Variants in UBR1 observed in about 807,000 individuals in gnomAD.
The protein encoded by UBR1 is E3 ubiquitin-protein ligase UBR1.
Under a neutral mutation model 242.1 loss-of-function variants are expected in UBR1, and 102 were observed. The observed-to-expected ratio is 0.42, with a 90% CI of 0.36 to 0.50. The LOEUF (loss-of-function observed/expected upper bound fraction) is 0.50, where lower values mean the gene tolerates loss of function less well. UBR1 is among the 20% of genes least tolerant of loss of function. The probability of loss-of-function intolerance (pLI) is 0.01; values close to 1 mark genes in which losing one functional copy is unlikely to be tolerated. For synonymous variants in UBR1, 675 were observed against 684.8 expected (o/e 0.99, Z 0.22); for missense variants, 1,772 against 2,101.8 (o/e 0.84, Z 3.07).
At position 43,043,415 on chromosome 15, in the gene UBR1, C is replaced by G. The variant is rs533524024; in HGVS notation, c.1669-20G>C. The G allele has an allele frequency of 6.2e-7, 1 of 1,613,072 alleles. No homozygotes were observed. The highest frequency in any genetic ancestry group is 8.5e-7 in the Non-Finnish European group (1 of 1,179,226). On this transcript the variant is annotated intron_variant, in intron 14 of 46. Coordinates refer to ENST00000290650, the MANE Select transcript of UBR1 (RefSeq NM_174916.3). ...TTCTTCCTAAGAGGAAAATAAGATA[C>G]AAAAAGTTGACAAGTTTTCTACTTT...
chr15:42,968,737 G>T (rs1434106515), intron 40 of UBR1, among the ~76,000 whole-genome samples: 2 of 151,924 alleles, frequency 1.3e-5, no homozygotes, highest in South Asian at 2.1e-4. Flanking sequence ...TGTTCTCATT[G>T]TTCAACTCCT....
In UBR1 at chr15:43,024,974, G is replaced by A. The variant is rs2033160637; in HGVS notation, c.2594C>T (p.Pro865Leu). 6.2e-7 allele frequency: 1 copy of A among 1,614,152 alleles called. No individual in the cohort carries two copies. Among genetic ancestry groups the A allele is most frequent in the Non-Finnish European group, 8.5e-7 (1 of 1,180,032 alleles). ...AGGGCAGAATTCAGGAGGTGGTGGT[G>A]GCGGCAATGCTATAGGAGGTGGGGA... ...KQENKDEALP[P>L]PPPPEFCPAF... is the part of the protein sequence containing the mutation. Residue 865 changes from proline to leucine, a missense_variant, in exon 25 of 47, where the codon CCA becomes CTA. Pro to Leu is a moderately conservative substitution (Grantham distance 98). This residue lies in a region of UBR1 where 965 missense variants were observed against 1,079.7 expected (regional missense o/e 0.89). Coordinates refer to ENST00000290650, the MANE Select transcript of UBR1 (RefSeq NM_174916.3).
rs757320774 is a variant in UBR1 at position 42,976,860 on chromosome 15, G to A, written c.4226C>T (p.Ala1409Val). 5.0e-6 allele frequency: 8 copies of A among 1,613,462 alleles called. No homozygotes were observed. ...SIDLFHVLVG[A>V]VLAFPSLYWD... ...ATACAAGGATGGGAATGCTAACACA[G>A]CACCCACCTATGAGAGAAAAATGGA... The change falls in exon 39 of 47, where the codon GCT (alanine) becomes GTT (valine). Residue 1409 changes from alanine (A) to valine (V), a missense_variant. Around this residue, in one of 3 missense-constraint regions of UBR1, gnomAD observed 965 missense variants for 1,079.7 expected, o/e 0.89. Transcript: ENST00000290650.
chr15:43,097,359 T>G (rs1194547103), intron 1 of UBR1, among the ~76,000 whole-genome samples: 1 of 152,230 alleles, frequency 6.6e-6, no homozygotes, highest in Non-Finnish European at 1.5e-5. Context: ...GCATAATTCT[T>G]AAGTATTCTT....
intron 27 of UBR1, among the ~76,000 whole-genome samples, chr15:43,017,632 A>G (rs1180172991): frequency 6.6e-6 from 1 of 152,074 alleles, no homozygotes; most frequent in Non-Finnish European, 1.5e-5. Context: ...CAACATAGCA[A>G]AATCCTGTCT....
intron 40 of UBR1, 146 bp downstream of exon 40, chr15:42,970,374 C>G: frequency 1.2e-6 from 1 of 832,122 alleles, no homozygotes; most frequent in Non-Finnish European, 1.9e-6. Flanking sequence ...AATGTAAGAC[C>G]TAAACCATAA....
intron 27 of UBR1, chr15:43,021,047 G>C (rs1358455416): frequency 4.6e-6 from 2 of 430,196 alleles, no homozygotes; most frequent in East Asian, 9.7e-5. Flanking sequence ...GCACATGGTA[G>C]GTTTTCAGTA....
intron 3 of UBR1, among the ~76,000 whole-genome samples, chr15:43,075,426 C>T (rs746486846): frequency 1.1e-4 from 17 of 151,948 alleles, no homozygotes; most frequent in Non-Finnish European, 2.9e-5. Context: ...ATAATCTATA[C>T]AACACCTAGA....
chr15:43,025,084 A>G, intron 24 of UBR1, 101 bp from the exon 25 acceptor site: 1 of 1,425,358 alleles, frequency 7.0e-7, no homozygotes, highest in South Asian at 1.3e-5. Flanking sequence ...ATAATAGGTT[A>G]CATGCAAAAC....
intron 6 of UBR1, 33 bp downstream of exon 6, chr15:43,067,865 A>G: frequency 1.2e-6 from 2 of 1,613,814 alleles, no homozygotes; most frequent in Non-Finnish European, 1.7e-6. Flanking sequence ...GCTGACAGAA[A>G]ACAGAAACGC....
chr15:42,990,573 T>C (rs1332188554), intron 33 of UBR1, among the ~76,000 whole-genome samples: 1 of 152,220 alleles, frequency 6.6e-6, no homozygotes, highest in East Asian at 1.9e-4. Context: ...AGATAACCAC[T>C]GTTAACATTT....
rs746895662 is a variant in UBR1, at chr15:43,106,006, G to A, written c.17C>T (p.Ala6Val). The stretch of plus-strand genomic sequence containing the variant: ...GATTTCCATCCTCTCAGTACCTCCA[G>A]CCTCCTCGTCCGCCATCTTGAGGGA... MADEE[A>V]GGTERMEISA... Residue 6 changes from alanine to valine, a missense_variant, in exon 1 of 47, where the codon GCT becomes GTT. Ala to Val is a moderately conservative substitution (Grantham distance 64, BLOSUM62 0). Transcript: ENST00000290650. 4 of 1,613,468 alleles carry A rather than the reference G, an allele frequency of 2.5e-6. No homozygotes were observed. The highest frequency in any genetic ancestry group is 3.4e-6 in the Non-Finnish European group (4 of 1,179,770).
Position 43,043,327 on chromosome 15 carries a change from T to C in UBR1, c.1737A>G (p.Ile579Met), listed in dbSNP as rs2033442763. 6.2e-7 allele frequency: 1 copy of C among 1,614,046 alleles called. No individual in the cohort carries two copies. Among genetic ancestry groups the C allele is most frequent in the African/African-American group, 1.3e-5 (1 of 74,914 alleles). Reference protein sequence around the residue: ...KAVMRCSTSFISSSKTVVQSC... With the variant: ...KAVMRCSTSFMSSSKTVVQSC... ...ATTGTACTACTGTCTTGCTACTAGA[T>C]ATGAAACTGGTACTGCACCTCATCA... Residue 579 changes from isoleucine (I) to methionine (M), a missense_variant, in exon 15 of 47, where the codon ATA becomes ATG. Physicochemically the swap from Ile to Met is conservative, Grantham distance 10. Coordinates refer to ENST00000290650, the MANE Select transcript of UBR1 (RefSeq NM_174916.3).
chr15:43,081,409 C>A lies in UBR1; in HGVS notation c.417+1229G>T, dbSNP rs534263402. The stretch of plus-strand genomic sequence containing the variant: ...TCTAGCCTGGGAAATAACAGCGACA[C>A]CCCATCTCAAAAAAAAAAAAAAAAA... On this transcript the variant is annotated intron_variant, in intron 3 of 46. Coordinates refer to ENST00000290650, the MANE Select transcript of UBR1 (RefSeq NM_174916.3). Among the ~76,000 whole-genome samples the A allele has an allele frequency of 4.7e-4, 61 of 130,100 alleles. 1 individual carries two copies. The highest frequency in any genetic ancestry group is 3.4e-3 in the South Asian group (13 of 3,850). The allele number at this position is 130,100 out of a possible 152,430, so 85.4% of individuals were successfully genotyped here.
At chr15:43,048,976 A>G (rs1363553930) in intron 12 of UBR1, among the ~76,000 whole-genome samples, 1 of 152,256 alleles carries the variant, frequency 6.6e-6, no homozygotes, top group Non-Finnish European at 1.5e-5. Context: ...ACTAGTTTCA[A>G]GAGATAAACA....
chr15:43,040,167 C>T (rs1360121480), intron 15 of UBR1, among the ~76,000 whole-genome samples: 2 of 152,130 alleles, frequency 1.3e-5, no homozygotes, highest in Non-Finnish European at 2.9e-5. Flanking sequence ...AAGAACAAAG[C>T]TGGAGGCATC....
At chr15:43,022,120 G>A (rs8027733) in intron 26 of UBR1, among the ~76,000 whole-genome samples, 121,523 of 151,926 alleles carry the variant, frequency 0.8, 49,690 homozygotes, top group Non-Finnish European at 0.89. Flanking sequence ...ATGTCTTCAG[G>A]GATCTAAAAA....
chr15:43,070,389 T>C (rs538670977), intron 5 of UBR1, among the ~76,000 whole-genome samples: 1 of 151,474 alleles, frequency 6.6e-6, no homozygotes, highest in Admixed American at 6.6e-5. Flanking sequence ...AAACCCGGGC[T>C]AAATGGAGAT....
intron 46 of UBR1, among the ~76,000 whole-genome samples, chr15:42,945,911 G>T (rs886986997): frequency 2.4e-4 from 36 of 152,148 alleles, no homozygotes; most frequent in African/African-American, 8.2e-4. Flanking sequence ...ATATTTGGTT[G>T]TAACTGTCCT....
Sources: allele counts gnomAD v4.1 joint callset (sites outside exome capture counted in the v4.1 genomes callset), GRCh38; gene constraint gnomAD v4.1.1; regional missense constraint gnomAD v4.1.1; transcripts MANE v1.5; gene names NCBI Gene and HGNC (gene_info 2026-07-23, HGNC 2026-07-21).